The following TSNAX variants were observed in gnomAD, a reference collection of about 807,000 sequenced individuals.
The protein encoded by TSNAX is translin associated factor X, also known as translin-associated protein X.
In TSNAX, 12 loss-of-function variants were observed where a neutral mutation model predicts 33.0. The observed-to-expected ratio is 0.36, with a 90% CI of 0.23 to 0.59. The LOEUF is 0.59. Among genes scored for constraint, TSNAX ranks in the 20% least tolerant of loss-of-function variants. TSNAX has a pLI of 0.74. For synonymous variants in TSNAX, 110 were observed against 117.2 expected (o/e 0.94, Z 0.40); for missense variants, 267 against 341.3 (o/e 0.78, Z 1.72).
At chr1:231,537,139 G>A (rs200425991) in intron 2 of TSNAX, 74 bp from the exon 3 acceptor site, 92 of 1,195,626 alleles carry the variant, frequency 7.7e-5, no homozygotes, top group Admixed American at 2.6e-4. Context: ...CATATGTGAC[G>A]TACATCTTAA....
intron 4 of TSNAX, among the ~76,000 whole-genome samples, chr1:231,544,959 G>C (rs929743169): frequency 6.6e-6 from 1 of 152,102 alleles, no homozygotes; most frequent in Non-Finnish European, 1.5e-5. Context: ...TTTATGATTT[G>C]TAAGTTTCCT....
chr1:231,563,652 ATTT>A (rs11313472), intron 5 of TSNAX: 38 of 133,744 alleles, frequency 2.8e-4, no homozygotes, highest in Admixed American at 3.1e-4. Flanking sequence ...GTGGATATAA[ATTT>A]TTTTTTTTTT....
At chr1:231,537,120 C>A in intron 2 of TSNAX, 93 bp from the exon 3 acceptor site, 1 of 945,166 alleles carries the variant, frequency 1.1e-6, no homozygotes, top group Non-Finnish European at 1.6e-6. Context: ...CGTGAGCCAC[C>A]GCACCCAGCA....
intron 2 of TSNAX, chr1:231,533,973 C>T (rs1179238611): frequency 6.6e-6 from 1 of 152,166 alleles, no homozygotes; most frequent in Non-Finnish European, 1.5e-5. Context: ...AAGGTTCCTT[C>T]CAGCTTTTTT....
intron 5 of TSNAX, among the ~76,000 whole-genome samples, chr1:231,564,014 C>T (rs985177488): frequency 6.6e-6 from 1 of 151,618 alleles, no homozygotes; most frequent in African/African-American, 2.4e-5. Context: ...TGGGTAGGTG[C>T]AGTAGAAAAT....
chr1:231,565,022 T>G lies in TSNAX; in HGVS notation c.*117T>G, dbSNP rs1280499502. On this transcript the variant is annotated 3_prime_UTR_variant, in exon 6 of 6. Transcript: ENST00000366639. ...GCTTTTACATAGAAACATATTCAGT[T>G]GTACTTGTTTTAAATTGTATACAAG... is the stretch of plus-strand genomic sequence containing the variant. 8.0e-7 allele frequency: 1 copy of G among 1,251,240 alleles called. No homozygotes were observed. The highest frequency in any genetic ancestry group is 1.1e-6 in the Non-Finnish European group (1 of 918,466). The allele number at this position is 1,251,240 out of a possible 1,614,324, so 77.5% of individuals were successfully genotyped here. A position where few individuals can be genotyped will look rare whatever the true frequency, so the allele number is the denominator to read the frequency against.
At chr1:231,563,513 A>G (rs189519495) in intron 5 of TSNAX, 155 of 155,208 alleles carry the variant, frequency 1.0e-3, no homozygotes, top group Non-Finnish European at 1.8e-3. Context: ...CCAAGGGCAT[A>G]CACCTTATGA....
chr1:231,546,665 A>G (rs969977659), intron 4 of TSNAX, among the ~76,000 whole-genome samples: 1 of 152,262 alleles, frequency 6.6e-6, no homozygotes, highest in Non-Finnish European at 1.5e-5. Context: ...GTGCAGAAAC[A>G]GATTAATAAA....
intron 4 of TSNAX, among the ~76,000 whole-genome samples, chr1:231,559,105 ACT>A (rs2124940422): frequency 6.6e-6 from 1 of 152,208 alleles, no homozygotes; most frequent in Admixed American, 6.5e-5. Flanking sequence ...GAGTAGCAGG[ACT>A]CTGTCATAAA....
intron 4 of TSNAX, among the ~76,000 whole-genome samples, chr1:231,547,383 T>C (rs1005950428): frequency 2.1e-5 from 3 of 142,344 alleles, no homozygotes; most frequent in Admixed American, 7.3e-5. Context: ...TTTTTCTTTT[T>C]TTTTTCTTTT....
At chr1:231,543,300 T>G (rs1421168876) in intron 4 of TSNAX, among the ~76,000 whole-genome samples, 1 of 151,536 alleles carries the variant, frequency 6.6e-6, no homozygotes, top group African/African-American at 2.4e-5. Context: ...GTGGGTTCAT[T>G]GATAGGACAG....
intron 2 of TSNAX, chr1:231,536,702 C>T (rs1659197166): frequency 6.6e-6 from 1 of 152,212 alleles, no homozygotes; most frequent in Non-Finnish European, 1.5e-5. Flanking sequence ...ACACTAGAGT[C>T]AGTAGATGCT....
At chr1:231,534,536 T>C (rs937880518) in intron 2 of TSNAX, 3 of 152,264 alleles carry the variant, frequency 2.0e-5, no homozygotes, top group African/African-American at 7.2e-5. Context: ...AATTAACTTA[T>C]ATTACTATTA....
At chr1:231,557,298 C>CT (rs1408169699) in intron 4 of TSNAX, among the ~76,000 whole-genome samples, 2 of 152,018 alleles carry the variant, frequency 1.3e-5, no homozygotes, top group African/African-American at 4.8e-5. Flanking sequence ...GAAGACATGA[C>CT]TAGAGAGGTG....
chr1:231,564,925 A>C lies in TSNAX; in HGVS notation c.*20A>C. The C allele has an allele frequency of 6.2e-7, 1 of 1,602,860 alleles. No individual in the cohort carries two copies. The highest frequency in any genetic ancestry group is 1.1e-5 in the South Asian group (1 of 89,830). On this transcript the variant is annotated 3_prime_UTR_variant, in exon 6 of 6. Transcript: ENST00000366639. ...TCTTAGAATCTAACGTTACTCAGTT[A>C]CTAATTCTTTTGAGAACTCCTAAGA...
At chr1:231,529,052 C>G (rs1340258915) in intron 1 of TSNAX, among the ~76,000 whole-genome samples, 1 of 152,174 alleles carries the variant, frequency 6.6e-6, no homozygotes, top group Non-Finnish European at 1.5e-5. Flanking sequence ...GCTGTAATGC[C>G]AGATCATAGC....
chr1:231,540,517 C>G (rs1659507983), intron 3 of TSNAX, among the ~76,000 whole-genome samples: 1 of 152,194 alleles, frequency 6.6e-6, no homozygotes, highest in Non-Finnish European at 1.5e-5. Context: ...AACATACTTT[C>G]TATAATTTGA....
chr1:231,542,407 GATAATT>G, intron 3 of TSNAX, 68 bp from the exon 4 acceptor site: 2 of 1,520,554 alleles, frequency 1.3e-6, no homozygotes, highest in Non-Finnish European at 1.8e-6. Flanking sequence ...GCCCTATGTT[GATAATT>G]AGGTTATTTT....
At chr1:231,534,579 G>A (rs1014305025) in intron 2 of TSNAX, 4 of 152,134 alleles carry the variant, frequency 2.6e-5, no homozygotes, top group African/African-American at 9.7e-5. Flanking sequence ...AACTGCATTA[G>A]CATACATTTG....
Sources: gnomAD v4.1 joint callset for allele counts (sites outside exome capture counted in the v4.1 genomes callset) on GRCh38, gnomAD v4.1.1 for gene constraint, MANE v1.5 for transcripts, NCBI Gene and HGNC (gene_info 2026-07-23, HGNC 2026-07-21) for gene names.